The following ANKS1B variants were observed in gnomAD, a reference collection of about 807,000 sequenced individuals.
The protein encoded by ANKS1B is ankyrin repeat and sterile alpha motif domain-containing protein 1B.
ANKS1B carries 36 observed loss-of-function variants against 148.3 expected under a neutral mutation model. The ratio of observed to expected loss-of-function variants is 0.24; its 90% CI spans 0.19 to 0.32. The LOEUF (loss-of-function observed/expected upper bound fraction) is 0.32. Among genes scored for constraint, ANKS1B ranks in the 10% least tolerant of loss-of-function variants. The pLI, the probability that ANKS1B is intolerant of heterozygous loss-of-function variation, is 1.00. For missense variants in ANKS1B, 1,157 were observed against 1,542.6 expected, an observed-to-expected ratio of 0.75 and a Z score of 4.19; for synonymous variants, 542 against 560.8, an observed-to-expected ratio of 0.97 and a Z score of 0.47.
intron 12 of ANKS1B, among the ~76,000 whole-genome samples, chr12:99,260,932 A>G (rs2075862421): frequency 6.6e-6 from 1 of 152,220 alleles, no homozygotes; most frequent in Non-Finnish European, 1.5e-5. Context: ...TGACATATTC[A>G]TTTAGCAACT....
At chr12:99,170,217 G>A (rs2077608013) in intron 14 of ANKS1B, among the ~76,000 whole-genome samples, 1 of 152,202 alleles carries the variant, frequency 6.6e-6, no homozygotes, top group African/African-American at 2.4e-5. Context: ...TGGGTGCTCA[G>A]CTGGTCTGCA....
chr12:98,796,279 G>A (rs568223020), intron 22 of ANKS1B, among the ~76,000 whole-genome samples: 1 of 152,162 alleles, frequency 6.6e-6, no homozygotes, highest in Admixed American at 6.5e-5. Context: ...ACTTTGAACA[G>A]AAAACATCTT....
chr12:99,580,235 C>G (rs1187483234), intron 9 of ANKS1B, among the ~76,000 whole-genome samples: 2 of 152,150 alleles, frequency 1.3e-5, no homozygotes, highest in East Asian at 1.9e-4. Flanking sequence ...GAAAAATTAC[C>G]TACCAGGTAC....
chr12:99,315,054 C>A (rs1037577579), intron 12 of ANKS1B, among the ~76,000 whole-genome samples: 2 of 151,746 alleles, frequency 1.3e-5, no homozygotes, highest in Non-Finnish European at 2.9e-5. Context: ...ACCATCCTGG[C>A]CAACATGGTG....
chr12:99,640,237 A>C (rs1207492436), intron 9 of ANKS1B, among the ~76,000 whole-genome samples: 2 of 152,094 alleles, frequency 1.3e-5, no homozygotes, highest in Non-Finnish European at 2.9e-5. Context: ...CATACAAACA[A>C]TTCATCCCAC....
intron 12 of ANKS1B, among the ~76,000 whole-genome samples, chr12:99,357,432 G>A (rs2152415177): frequency 6.6e-6 from 1 of 152,154 alleles, no homozygotes; most frequent in South Asian, 2.1e-4. Flanking sequence ...CTCCAGCATG[G>A]GCTGAGTGAT....
intron 11 of ANKS1B, among the ~76,000 whole-genome samples, chr12:99,400,500 T>C (rs1421665258): frequency 6.9e-6 from 1 of 145,216 alleles, no homozygotes; most frequent in Non-Finnish European, 1.5e-5. Context: ...CTATACCCTT[T>C]GTCAGTAATG....
chr12:99,232,715 A>G (rs1183619841), intron 14 of ANKS1B, among the ~76,000 whole-genome samples: 1 of 152,216 alleles, frequency 6.6e-6, no homozygotes, highest in Non-Finnish European at 1.5e-5. Context: ...ACTTCAGAAA[A>G]GATTCCACAT....
At chr12:99,417,511 G>A (rs908325917) in intron 11 of ANKS1B, among the ~76,000 whole-genome samples, 6 of 151,604 alleles carry the variant, frequency 4.0e-5, no homozygotes, top group Admixed American at 1.3e-4. Context: ...CTTCTCTTTC[G>A]ATTTTTTTTT....
intron 1 of ANKS1B, among the ~76,000 whole-genome samples, chr12:99,974,233 C>T (rs971743766): frequency 5.3e-5 from 8 of 152,262 alleles, no homozygotes; most frequent in Middle Eastern, 3.4e-3. Context: ...TTTTTAATTA[C>T]GTACATTGTT....
At chr12:99,510,244 G>A (rs916923926) in intron 9 of ANKS1B, among the ~76,000 whole-genome samples, 2 of 151,964 alleles carry the variant, frequency 1.3e-5, no homozygotes, top group African/African-American at 4.8e-5. Flanking sequence ...GATTAATTTA[G>A]AGTCTCAAGT....
chr12:99,275,567 C>T (rs2077574322), intron 12 of ANKS1B, among the ~76,000 whole-genome samples: 1 of 152,082 alleles, frequency 6.6e-6, no homozygotes, highest in African/African-American at 2.4e-5. Flanking sequence ...GCATATGCAC[C>T]ACATTTTGTT....
At chr12:98,891,755 T>A (rs999506694) in intron 17 of ANKS1B, among the ~76,000 whole-genome samples, 2 of 118,300 alleles carry the variant, frequency 1.7e-5, no homozygotes, top group Non-Finnish European at 3.8e-5. Flanking sequence ...TATGCATACT[T>A]TTTTTCAGTT....
intron 3 of ANKS1B, among the ~76,000 whole-genome samples, chr12:99,810,029 C>T (rs2068136704): frequency 6.6e-6 from 1 of 151,986 alleles, no homozygotes; most frequent in Non-Finnish European, 1.5e-5. Context: ...TGCACAATGC[C>T]TGGCACACAG....
intron 12 of ANKS1B, among the ~76,000 whole-genome samples, chr12:99,389,365 A>G (rs1212722112): frequency 6.6e-6 from 1 of 152,226 alleles, no homozygotes; most frequent in African/African-American, 2.4e-5. Flanking sequence ...GTACAGATAG[A>G]AGATCTGAAT....
At chr12:99,696,407 G>T (rs769198596) in intron 8 of ANKS1B, among the ~76,000 whole-genome samples, 11 of 152,164 alleles carry the variant, frequency 7.2e-5, no homozygotes, top group Non-Finnish European at 1.5e-4. Context: ...TAGTGGAACA[G>T]AATAAAATCC....
chr12:99,642,842 C>T (rs1490930418), intron 9 of ANKS1B, among the ~76,000 whole-genome samples: 1 of 152,082 alleles, frequency 6.6e-6, no homozygotes, highest in Non-Finnish European at 1.5e-5. Context: ...AATCTGTTCC[C>T]TGCCTTTTTC....
At chr12:98,969,722 A>C (rs980996128) in intron 17 of ANKS1B, among the ~76,000 whole-genome samples, 5 of 152,188 alleles carry the variant, frequency 3.3e-5, no homozygotes, top group African/African-American at 1.2e-4. Flanking sequence ...GTTTGACTAA[A>C]GGCTGTAAAA....
intron 11 of ANKS1B, among the ~76,000 whole-genome samples, chr12:99,407,653 G>A (rs2152647359): frequency 6.8e-6 from 1 of 146,210 alleles, no homozygotes; most frequent in East Asian, 1.9e-4. Context: ...ATTCAGTAAA[G>A]TTGCAGAATA....
Sources: allele counts gnomAD v4.1 joint callset (sites outside exome capture counted in the v4.1 genomes callset), GRCh38; gene constraint gnomAD v4.1.1; transcripts MANE v1.5; gene names NCBI Gene and HGNC (gene_info 2026-07-23, HGNC 2026-07-21).